FGF14: variants seen among roughly 807,000 people sequenced by gnomAD.
The protein encoded by FGF14 is fibroblast growth factor 14, also known as fibroblast growth factor homologous factor 4.
Under a neutral mutation model 25.5 loss-of-function variants are expected in FGF14, and 5 were observed. That is an observed-to-expected ratio of 0.20 (90% confidence interval 0.10 to 0.41). FGF14 has a LOEUF of 0.41. Ranked by LOEUF, FGF14 falls within the 10% of genes least tolerant of loss-of-function variation. The pLI is 1.00. For synonymous variants in FGF14, 138 were observed against 118.3 expected, an observed-to-expected ratio of 1.17 and a Z score of -1.08; for missense variants, 222 against 320.1, an observed-to-expected ratio of 0.69 and a Z score of 2.34.
chr13:102,242,218 G>A (rs1475463947), intron 1 of FGF14, among the ~76,000 whole-genome samples: 2 of 152,080 alleles, frequency 1.3e-5, no homozygotes, highest in African/African-American at 4.8e-5. Context: ...ATATTCCTCA[G>A]GCAATACAGA....
chr13:102,289,264 G>A (rs2141253657), intron 1 of FGF14, among the ~76,000 whole-genome samples: 1 of 152,186 alleles, frequency 6.6e-6, no homozygotes, highest in South Asian at 2.1e-4. Flanking sequence ...AGATCTCATT[G>A]TACACATTCA....
chr13:102,173,968 G>C (rs879672348), intron 1 of FGF14, among the ~76,000 whole-genome samples: 4 of 151,906 alleles, frequency 2.6e-5, no homozygotes, highest in Non-Finnish European at 5.9e-5. Context: ...AAGAATAAAA[G>C]GCATCCAAAT....
intron 1 of FGF14, among the ~76,000 whole-genome samples, chr13:102,090,888 G>A (rs2044135420): frequency 6.6e-6 from 1 of 152,216 alleles, no homozygotes. Context: ...GGAGCCAGTA[G>A]TCTAAAGTCT....
At chr13:102,372,342 C>T (rs992210191) in intron 1 of FGF14, among the ~76,000 whole-genome samples, 4 of 152,130 alleles carry the variant, frequency 2.6e-5, no homozygotes, top group African/African-American at 9.7e-5. Flanking sequence ...TCCCTTGCAA[C>T]ATCTGAGGCC....
chr13:101,877,432 C>T (rs1002019592), intron 1 of FGF14, among the ~76,000 whole-genome samples: 5 of 152,000 alleles, frequency 3.3e-5, no homozygotes, highest in Non-Finnish European at 5.9e-5. Context: ...TTAATAGAAG[C>T]CCACTTGGAG....
intron 1 of FGF14, among the ~76,000 whole-genome samples, chr13:102,006,768 C>T (rs549749154): frequency 5.2e-4 from 55 of 105,830 alleles, no homozygotes; most frequent in African/African-American, 2.0e-3. Context: ...GACGGAGTCT[C>T]GCTCTGTCGC....
chr13:101,836,884 T>C (rs1432693614), intron 3 of FGF14, among the ~76,000 whole-genome samples: 1 of 152,084 alleles, frequency 6.6e-6, no homozygotes, highest in African/African-American at 2.4e-5. Context: ...TAATATGTAA[T>C]GATGATTTTT....
chr13:101,941,364 T>C (rs1045660802), intron 1 of FGF14, among the ~76,000 whole-genome samples: 4 of 152,222 alleles, frequency 2.6e-5, no homozygotes, highest in African/African-American at 4.8e-5. Flanking sequence ...ATAACTAGAA[T>C]TGCTATTTGT....
intron 1 of FGF14, among the ~76,000 whole-genome samples, chr13:102,153,130 GC>G (rs2047162592): frequency 6.6e-6 from 1 of 152,178 alleles, no homozygotes; most frequent in Admixed American, 6.5e-5. Flanking sequence ...ATAGGACAGA[GC>G]TTTTGTAGAC....
intron 1 of FGF14, among the ~76,000 whole-genome samples, chr13:101,999,273 T>C (rs2139720525): frequency 6.6e-6 from 1 of 152,306 alleles, no homozygotes; most frequent in African/African-American, 2.4e-5. Context: ...TGAGTTGAAT[T>C]TCTAGATGAG....
intron 1 of FGF14, among the ~76,000 whole-genome samples, chr13:102,185,538 A>T (rs895023516): frequency 6.7e-6 from 1 of 149,212 alleles, no homozygotes; most frequent in African/African-American, 2.6e-5. Context: ...AAATATATGC[A>T]TATTCTATAC....
intron 3 of FGF14, among the ~76,000 whole-genome samples, chr13:101,751,926 CAAAA>C (rs1282446477): frequency 2.0e-5 from 3 of 151,648 alleles, no homozygotes. Context: ...CAAAACAAAA[CAAAA>C]ACAAACAAAC....
intron 1 of FGF14, among the ~76,000 whole-genome samples, chr13:101,930,118 C>G (rs2034649120): frequency 6.6e-6 from 1 of 152,140 alleles, no homozygotes; most frequent in African/African-American, 2.4e-5. Context: ...TCTTAAACAT[C>G]AAATTTTTTC....
rs542379217 is a variant in FGF14, at chr13:101,717,706, A to AC, written c.*5124_*5125insG. On this transcript the variant is annotated 3_prime_UTR_variant, in exon 5 of 5. Transcript: ENST00000376143. ...TTTAATACTTTAAAGCTGTAAAAAA[A>AC]ATTTAAAAAATTCCTTCTGAGCTCC... is the stretch of plus-strand genomic sequence containing the variant. 16 of 152,096 alleles carry AC rather than the reference A, an allele frequency of 1.1e-4. No homozygotes were observed. Among genetic ancestry groups the AC allele is most frequent in the Non-Finnish European group, 2.4e-4 (16 of 68,020 alleles). 9.4% of individuals were successfully genotyped at this position (152,096 alleles called of 1,614,324 possible). A position where few individuals can be genotyped will look rare whatever the true frequency, so the allele number is the denominator to read the frequency against.
intron 1 of FGF14, among the ~76,000 whole-genome samples, chr13:102,003,897 T>G (rs1220535005): frequency 2.0e-5 from 3 of 152,140 alleles, no homozygotes; most frequent in African/African-American, 7.2e-5. Flanking sequence ...AAGACACCAC[T>G]CAGTTAGTGA....
In FGF14 at chr13:101,980,426, G is replaced by T. The variant is rs2038179019; in HGVS notation, c.209-105130C>A. 1.3e-5 allele frequency among the ~76,000 whole-genome samples: 2 copies of T among 151,858 alleles called. 1 individual carries two copies. The highest frequency in any genetic ancestry group is 4.2e-4 in the South Asian group (2 of 4,818). ...TAAAAGTCTCTGCATATATGTAAGA[G>T]AAATAATGTAAAAGAAGTCTACTGT... On this transcript the variant is annotated intron_variant, in intron 1 of 4. Transcript: ENST00000376131.
chr13:101,778,261 A>T (rs752759575), intron 3 of FGF14, among the ~76,000 whole-genome samples: 3 of 152,164 alleles, frequency 2.0e-5, no homozygotes, highest in Non-Finnish European at 4.4e-5. Flanking sequence ...TCTCACGTAC[A>T]TTCTTCTCAT....
intron 3 of FGF14, among the ~76,000 whole-genome samples, chr13:101,828,028 T>C (rs59896829): frequency 6.6e-6 from 1 of 152,056 alleles, no homozygotes; most frequent in East Asian, 1.9e-4. Flanking sequence ...TTATGAAATC[T>C]ACTACTTTAA....
In FGF14 at chr13:101,939,532, C is replaced by T. The variant is rs538771921; in HGVS notation, c.209-64236G>A. On this transcript the variant is annotated intron_variant, in intron 1 of 4. Transcript: ENST00000376131. ...AGTAAGGTTGAGTGAAGATGTTACA[C>T]TTAGGCCAGGAAGCCCCAGGGTGTT... Among the ~76,000 whole-genome samples, 3 of 152,326 alleles carry T rather than the reference C, an allele frequency of 2.0e-5. No homozygotes were observed. The South Asian group carries it at 6.2e-4, about 32-fold the overall frequency.
Sources: allele counts gnomAD v4.1 joint callset (sites outside exome capture counted in the v4.1 genomes callset), GRCh38; gene constraint gnomAD v4.1.1; transcripts MANE v1.5; gene names NCBI Gene and HGNC (gene_info 2026-07-23, HGNC 2026-07-21).